Variants in GALNT13 observed in about 807,000 individuals in gnomAD.
GALNT13 encodes the protein polypeptide N-acetylgalactosaminyltransferase 13.
A neutral mutation model predicts 64.2 loss-of-function variants in GALNT13; 28 were observed. The ratio of observed to expected loss-of-function variants is 0.44; its 90% confidence interval spans 0.32 to 0.60. GALNT13 has a LOEUF of 0.60. GALNT13 is among the 20% of genes least tolerant of loss of function. The probability of loss-of-function intolerance (pLI) is 0.05; values close to 1 mark genes in which losing one functional copy is unlikely to be tolerated. For synonymous variants in GALNT13, 214 were observed against 224.6 expected, an observed-to-expected ratio of 0.95 and a Z score of 0.42; for missense variants, 577 against 669.8, an observed-to-expected ratio of 0.86 and a Z score of 1.53.
intron 2 of GALNT13, among the ~76,000 whole-genome samples, chr2:153,917,455 G>A (rs966196034): frequency 2.6e-5 from 4 of 151,748 alleles, no homozygotes; most frequent in African/African-American, 7.3e-5. Context: ...TTGACTTTAT[G>A]ATAATATAAT....
the GALNT13 span, among the ~76,000 whole-genome samples, chr2:153,116,375 T>A: frequency 6.6e-6 from 1 of 152,212 alleles, no homozygotes; most frequent in African/African-American, 2.4e-5. Context: ...GTATATTTAA[T>A]GAACTGACTA....
At chr2:153,256,609 T>C in the GALNT13 span, among the ~76,000 whole-genome samples, 52,219 of 152,006 alleles carry the variant, frequency 0.34, 9,199 homozygotes, top group Middle Eastern at 0.51. Context: ...TATCTACTTT[T>C]GGTCTTTGAG....
chr2:154,347,098 T>C (rs567542427), intron 9 of GALNT13, among the ~76,000 whole-genome samples: 23 of 152,272 alleles, frequency 1.5e-4, no homozygotes, highest in African/African-American at 5.1e-4. Context: ...TAGCATTTCA[T>C]TGGGCCTCAC....
chr2:153,599,189 A>G, the GALNT13 span, among the ~76,000 whole-genome samples: 4 of 152,046 alleles, frequency 2.6e-5, no homozygotes, highest in African/African-American at 9.7e-5. Context: ...TTTCCAGGCT[A>G]ATTGGGATAT....
chr2:154,290,671 T>C (rs766174637), intron 8 of GALNT13, among the ~76,000 whole-genome samples: 36 of 152,220 alleles, frequency 2.4e-4, no homozygotes, highest in Non-Finnish European at 4.6e-4. Context: ...GCTCATGTTG[T>C]GTCCAGAATT....
intron 4 of GALNT13, among the ~76,000 whole-genome samples, chr2:154,237,876 A>G (rs948566940): frequency 2.0e-5 from 3 of 152,010 alleles, no homozygotes; most frequent in Non-Finnish European, 4.4e-5. Flanking sequence ...TCTGAAGAGA[A>G]CAAGATATGA....
chr2:153,837,821 T>G, the GALNT13 span, among the ~76,000 whole-genome samples: 1 of 152,126 alleles, frequency 6.6e-6, no homozygotes, highest in African/African-American at 2.4e-5. Context: ...TAGCTATAAT[T>G]TTAGTGTTTT....
At chr2:154,043,530 C>T (rs897220144) in intron 3 of GALNT13, among the ~76,000 whole-genome samples, 11 of 146,894 alleles carry the variant, frequency 7.5e-5, no homozygotes, top group African/African-American at 2.5e-4. Context: ...CAGTTATTTG[C>T]TAATCACTTA....
rs1186059827 is a variant in GALNT13 at position 153,877,668 on chromosome 2, GAGA to G, written c.-177+5368_-177+5370del. Reference sequence around the variant, plus strand: ...ATTATTATATAATTAGTTTCAGATAGAGAAGGTGAGATTTATATGACTATCAAA... The same window carrying G: ...ATTATTATATAATTAGTTTCAGATAGAGGTGAGATTTATATGACTATCAAA... On this transcript the variant is annotated intron_variant, in intron 1 of 12. Transcript: ENST00000392825. 2.0e-5 allele frequency among the ~76,000 whole-genome samples: 3 copies of G among 152,138 alleles called. No individual in the cohort carries two copies. In the East Asian group the frequency reaches 5.8e-4, roughly 29 times the overall value.
At chr2:153,272,722 T>C in the GALNT13 span, among the ~76,000 whole-genome samples, 1 of 152,112 alleles carries the variant, frequency 6.6e-6, no homozygotes, top group Non-Finnish European at 1.5e-5. Flanking sequence ...TTCTCAAGGA[T>C]CTAGAACCAG....
At chr2:153,525,843 G>T in the GALNT13 span, among the ~76,000 whole-genome samples, 16 of 152,282 alleles carry the variant, frequency 1.1e-4, no homozygotes, top group South Asian at 3.3e-3. Flanking sequence ...GTAAGTCCCA[G>T]GCCAGAGAGC....
At chr2:153,296,019 G>A in the GALNT13 span, among the ~76,000 whole-genome samples, 143 of 152,218 alleles carry the variant, frequency 9.4e-4, no homozygotes, top group African/African-American at 3.4e-3. Flanking sequence ...CTCAGTCTTT[G>A]ACTGTGTGTC....
the GALNT13 span, among the ~76,000 whole-genome samples, chr2:153,613,589 T>G: frequency 6.6e-6 from 1 of 152,092 alleles, no homozygotes; most frequent in Non-Finnish European, 1.5e-5. Flanking sequence ...TACTACTAAT[T>G]TCTGAGAATT....
chr2:154,384,068 T>G (rs1247382886), intron 9 of GALNT13, among the ~76,000 whole-genome samples: 1 of 151,882 alleles, frequency 6.6e-6, no homozygotes, highest in Non-Finnish European at 1.5e-5. Context: ...TTTGCTACCA[T>G]TGTCTTGGTT....
At chr2:153,730,598 C>T in the GALNT13 span, among the ~76,000 whole-genome samples, 1 of 151,626 alleles carries the variant, frequency 6.6e-6, no homozygotes, top group Admixed American at 6.6e-5. Flanking sequence ...AAATTATCAA[C>T]AAATAAACAT....
chr2:153,597,253 G>A, the GALNT13 span, among the ~76,000 whole-genome samples: 1 of 152,052 alleles, frequency 6.6e-6, no homozygotes, highest in African/African-American at 2.4e-5. Context: ...ATTAAGCCTA[G>A]TACAGGGCAC....
chr2:154,124,102 G>C (rs1682116846), intron 3 of GALNT13, among the ~76,000 whole-genome samples: 1 of 151,850 alleles, frequency 6.6e-6, no homozygotes, highest in South Asian at 2.1e-4. Flanking sequence ...GACAGATCTG[G>C]GTTTTATATT....
chr2:154,069,315 G>A (rs564790573), intron 3 of GALNT13, among the ~76,000 whole-genome samples: 2 of 151,700 alleles, frequency 1.3e-5, no homozygotes, highest in African/African-American at 4.8e-5. Context: ...TAGATACAAA[G>A]TCAATATTAA....
the GALNT13 span, among the ~76,000 whole-genome samples, chr2:153,824,939 C>T: frequency 6.6e-6 from 1 of 152,146 alleles, no homozygotes; most frequent in South Asian, 2.1e-4. Flanking sequence ...GCCTTCCGTA[C>T]ACCCTGTAGA....
Sources: allele counts gnomAD v4.1 joint callset (sites outside exome capture counted in the v4.1 genomes callset), GRCh38; gene constraint gnomAD v4.1.1; transcripts MANE v1.5; gene names NCBI Gene and HGNC (gene_info 2026-07-23, HGNC 2026-07-21).